Variants in PARVB observed in about 807,000 individuals in gnomAD.
PARVB encodes the protein beta-parvin.
Under a neutral mutation model 47.0 loss-of-function variants are expected in PARVB, and 46 were observed. That is an observed-to-expected ratio of 0.98 (90% CI 0.77 to 1.25). The LOEUF is 1.25. Ranked by LOEUF, PARVB falls within the 50% of genes most tolerant of loss-of-function variation. The probability of loss-of-function intolerance (pLI) is 0.00; values close to 1 mark genes in which losing one functional copy is unlikely to be tolerated. For synonymous variants in PARVB, 196 were observed against 196.3 expected (o/e 1.00, Z 0.01); for missense variants, 473 against 471.6 (o/e 1.00, Z -0.03).
At chr22:44,158,164 T>G in intron 11 of PARVB, 81 bp downstream of exon 11, 21 of 920,816 alleles carry the variant, frequency 2.3e-5, no homozygotes, top group Non-Finnish European at 3.5e-5. Flanking sequence ...CCGGCAGCTC[T>G]TCCTGCAGCC....
At chr22:44,017,423 C>T (rs1461488231) in intron 2 of PARVB, among the ~76,000 whole-genome samples, 1 of 152,192 alleles carries the variant, frequency 6.6e-6, no homozygotes, top group East Asian at 1.9e-4. Context: ...AGGATTCCAT[C>T]TGTATACAAA....
intron 2 of PARVB, among the ~76,000 whole-genome samples, chr22:44,014,053 T>C (rs1293651259): frequency 6.6e-6 from 1 of 152,116 alleles, no homozygotes; most frequent in Non-Finnish European, 1.5e-5. Flanking sequence ...CCATCTCTGT[T>C]TGAAAAAGAA....
At chr22:44,168,068 C>T (rs576424962) in intron 12 of PARVB, 53 of 158,742 alleles carry the variant, frequency 3.3e-4, no homozygotes, top group Non-Finnish European at 5.6e-4. Context: ...GGGCCTCGAG[C>T]GTTACCTGGT....
At position 44,049,292 on chromosome 22, in the gene PARVB, T is replaced by C. The variant is rs1308422626; in HGVS notation, c.112+24841T>C. Among the ~76,000 whole-genome samples the C allele has an allele frequency of 6.6e-6, 1 of 152,180 alleles. No individual in the cohort carries two copies. The highest frequency in any genetic ancestry group is 1.5e-5 in the Non-Finnish European group (1 of 68,028). ...GTGTCAGAATGAACAATACCCATAG[T>C]GCTTGGCGTAGACAATCAGCAAAGC... On this transcript the variant is annotated intron_variant, in intron 1 of 12. Transcript: ENST00000338758. The surrounding 1 kb of genome is among the most constrained non-coding windows in gnomAD (Gnocchi z 4.0).
At chr22:44,083,063 G>A (rs371095663) in intron 1 of PARVB, among the ~76,000 whole-genome samples, 10 of 152,060 alleles carry the variant, frequency 6.6e-5, no homozygotes, top group African/African-American at 2.4e-4. Context: ...ATTGCGGAGC[G>A]GACTCCTTCC....
intron 2 of PARVB, among the ~76,000 whole-genome samples, chr22:44,002,293 C>T (rs1383646894): frequency 2.6e-5 from 4 of 152,220 alleles, no homozygotes; most frequent in African/African-American, 7.2e-5. Context: ...TTTCAGCTTT[C>T]GGGGTCCTCC....
rs556359240 is a variant in PARVB, at chr22:44,119,686, A to G, written c.376+546A>G. ...TTCATCAGATGTTGGATGAGTCCCGAGGGCTGGGTACCAGGGATACGGTGA... is the reference window on the plus strand; with the variant it reads ...TTCATCAGATGTTGGATGAGTCCCGGGGGCTGGGTACCAGGGATACGGTGA... On this transcript the variant is annotated intron_variant, in intron 4 of 12. Coordinates refer to ENST00000338758, the MANE Select transcript of PARVB (RefSeq NM_013327.5). 9.8e-4 allele frequency: 462 copies of G among 469,384 alleles called. 8 individuals carry two copies. The highest frequency in any genetic ancestry group is 3.9e-3 in the Middle Eastern group (11 of 2,810). The allele number at this position is 469,384 out of a possible 1,614,324, so 29.1% of individuals were successfully genotyped here.
At chr22:44,084,272 G>A (rs932797105) in intron 1 of PARVB, among the ~76,000 whole-genome samples, 6 of 152,244 alleles carry the variant, frequency 3.9e-5, no homozygotes, top group African/African-American at 1.4e-4. Context: ...CTTTGTCCTG[G>A]GATGCCTGCT....
At position 44,160,347 on chromosome 22, in the gene PARVB, G is replaced by C. The variant is rs150193830; in HGVS notation, c.945+2264G>C. Among the ~76,000 whole-genome samples, 30 of 152,334 alleles carry C rather than the reference G, an allele frequency of 2.0e-4. No homozygotes were observed. In the East Asian group the frequency reaches 5.2e-3, roughly 26 times the overall value. ...CTTAGAGACCAGCCCAGGGTTGCACGGCCAGCAAGGGCAGAGCCAGGAGGG... is the reference window on the plus strand; with the variant it reads ...CTTAGAGACCAGCCCAGGGTTGCACCGCCAGCAAGGGCAGAGCCAGGAGGG... On this transcript the variant is annotated intron_variant, in intron 11 of 12. Coordinates refer to ENST00000338758, the MANE Select transcript of PARVB (RefSeq NM_013327.5).
intron 4 of PARVB, among the ~76,000 whole-genome samples, chr22:44,120,929 C>T (rs551011104): frequency 1.3e-5 from 2 of 152,080 alleles, no homozygotes; most frequent in East Asian, 1.9e-4. Context: ...CTGCAACCTC[C>T]GACTCCCTAG....
intron 3 of PARVB, among the ~76,000 whole-genome samples, chr22:44,118,088 A>G (rs1303855473): frequency 6.6e-6 from 1 of 152,186 alleles, no homozygotes; most frequent in African/African-American, 2.4e-5. Flanking sequence ...ACTCACATCC[A>G]CAGAGAGACT....
chr22:44,053,094 T>G (rs2146941902), intron 1 of PARVB, among the ~76,000 whole-genome samples: 3 of 151,452 alleles, frequency 2.0e-5, no homozygotes, highest in Non-Finnish European at 4.4e-5. Context: ...TTTTTTTTTT[T>G]TTTTTTTGAG....
At position 44,122,510 on chromosome 22, in the gene PARVB, GAGAGAGAGAC is replaced by G. The variant is rs1569134183; in HGVS notation, c.376+3378_376+3387del. On this transcript the variant is annotated intron_variant, in intron 4 of 12. Transcript: ENST00000338758. ...ATCAAGAGAGAGAGAGAGAGAGAGA[GAGAGAGAGAC>G]AGAGAGACAGAGAGAGAGAGAGAGA... 5.6e-4 allele frequency among the ~76,000 whole-genome samples: 51 copies of G among 91,426 alleles called. 2 individuals carry two copies. The highest frequency in any genetic ancestry group is 2.9e-3 in the African/African-American group (44 of 15,316). 60.0% of individuals were successfully genotyped at this position (91,426 alleles called of 152,430 possible).
chr22:44,041,957 T>C (rs757285960), intron 1 of PARVB, among the ~76,000 whole-genome samples: 1 of 152,150 alleles, frequency 6.6e-6, no homozygotes, highest in Non-Finnish European at 1.5e-5. Context: ...TTTGTTCTCA[T>C]TGGCATCTCA....
intron 2 of PARVB, among the ~76,000 whole-genome samples, chr22:44,099,365 C>T (rs369874234): frequency 2.6e-5 from 4 of 152,294 alleles, no homozygotes; most frequent in East Asian, 3.9e-4. Context: ...TCCGCAGTCC[C>T]GCCTCCCCAC....
intron 2 of PARVB, among the ~76,000 whole-genome samples, chr22:44,016,325 T>A (rs2050581897): frequency 6.6e-6 from 1 of 151,980 alleles, no homozygotes. Context: ...CTCGATCTCC[T>A]GACTTCGTGA....
At chr22:44,121,937 G>A (rs1167346036) in intron 4 of PARVB, among the ~76,000 whole-genome samples, 1 of 152,048 alleles carries the variant, frequency 6.6e-6, no homozygotes, top group African/African-American at 2.4e-5. Flanking sequence ...AACATGCTAG[G>A]TACAAGATTT....
At chr22:44,131,758 C>A in intron 5 of PARVB, 131 bp downstream of exon 5, 2 of 965,026 alleles carry the variant, frequency 2.1e-6, no homozygotes, top group South Asian at 1.7e-5. Context: ...GGTTCATCTC[C>A]CTGCTCTGTA....
intron 2 of PARVB, among the ~76,000 whole-genome samples, chr22:44,096,225 C>T (rs2147053762): frequency 6.6e-6 from 1 of 152,232 alleles, no homozygotes; most frequent in East Asian, 1.9e-4. Flanking sequence ...AACTCCATCT[C>T]ATAAAATAAT....
Sources: gnomAD v4.1 joint callset for allele counts (sites outside exome capture counted in the v4.1 genomes callset) on GRCh38, gnomAD v4.1.1 for gene constraint, Gnocchi (gnomAD v3.1) non-coding constraint, MANE v1.5 for transcripts, NCBI Gene and HGNC (gene_info 2026-07-23, HGNC 2026-07-21) for gene names.